Variants in IPP observed in about 807,000 individuals in gnomAD.
IPP encodes actin-binding protein IPP.
IPP carries 41 observed loss-of-function variants against 64.1 expected under a neutral mutation model. That is an observed-to-expected ratio of 0.64 (90% confidence interval 0.50 to 0.83). IPP has a LOEUF of 0.83. Ranked by LOEUF, IPP falls within the 40% of genes least tolerant of loss-of-function variation. The pLI is 0.00. For synonymous variants in IPP, 214 were observed against 235.2 expected, an observed-to-expected ratio of 0.91 and a Z score of 0.83; for missense variants, 649 against 703.0, an observed-to-expected ratio of 0.92 and a Z score of 0.87.
At chr1:45,696,317 T>C (rs1645387911), downstream of IPP, among the ~76,000 whole-genome samples, 1 of 152,198 alleles carries the variant, frequency 6.6e-6, no homozygotes, top group South Asian at 2.1e-4. Flanking sequence ...TAATCATTTC[T>C]CAAAAAACAG....
intron 8 of IPP, among the ~76,000 whole-genome samples, chr1:45,706,511 G>A (rs999044033): frequency 5.9e-5 from 9 of 152,024 alleles, no homozygotes; most frequent in Non-Finnish European, 1.0e-4. Context: ...GTGCAATTGC[G>A]TGATCCCAGC....
chr1:45,727,563 A>C, intron 5 of IPP, 68 bp downstream of exon 5: 1 of 1,015,344 alleles, frequency 9.8e-7, no homozygotes, highest in Non-Finnish European at 1.4e-6. Flanking sequence ...AGCAACATAT[A>C]AATCATAAAG....
intron 3 of IPP, among the ~76,000 whole-genome samples, chr1:45,737,057 A>AAAG (rs1557757679): frequency 6.6e-6 from 1 of 151,132 alleles, no homozygotes; most frequent in Non-Finnish European, 1.5e-5. Context: ...AAAAAAAAAA[A>AAAG]AAAGAAAAAG....
At chr1:45,719,916 G>T (rs1475886088) in intron 5 of IPP, among the ~76,000 whole-genome samples, 1 of 151,652 alleles carries the variant, frequency 6.6e-6, no homozygotes, top group Non-Finnish European at 1.5e-5. Context: ...TAGTAGAGAC[G>T]GGGTTTCACC....
At chr1:45,715,368 G>A (rs750479705) in intron 7 of IPP, among the ~76,000 whole-genome samples, 7 of 151,940 alleles carry the variant, frequency 4.6e-5, no homozygotes, top group African/African-American at 7.2e-5. Flanking sequence ...TAGGCCGGGC[G>A]CGGTGGCTCA....
Position 45,741,218 on chromosome 1 carries a change from G to A in IPP, c.407C>T (p.Pro136Leu). 1 of 1,614,108 alleles carries A rather than the reference G, an allele frequency of 6.2e-7. No homozygotes were observed. The highest frequency in any genetic ancestry group is 8.5e-7 in the Non-Finnish European group (1 of 1,179,970). ...CCEFLKGQID[P>L]LNCIGIFQFS... ...CTGAAAAATTCCAATGCAGTTCAGT[G>A]GATCAATTTGTCCTTTCAGAAATTC... Residue 136 changes from proline (P) to leucine (L), a missense_variant, in exon 3 of 9, where the codon CCA becomes CTA. Coordinates refer to ENST00000396478, the MANE Select transcript of IPP (RefSeq NM_005897.3).
rs201460233 is a variant in IPP, at chr1:45,700,108, G to A, written c.1613C>T (p.Ser538Phe). The A allele has an allele frequency of 5.4e-5, 87 of 1,613,798 alleles. No individual in the cohort carries two copies. Among genetic ancestry groups the A allele is most frequent in the Non-Finnish European group, 1.4e-5 (17 of 1,180,012 alleles). Residue 538 changes from serine (S) to phenylalanine (F), a missense_variant, in exon 9 of 9, where the codon TCT becomes TTT. Physicochemically the swap from Ser to Phe is radical, Grantham distance 155. Coordinates refer to ENST00000396478, the MANE Select transcript of IPP (RefSeq NM_005897.3). ...VVAVNGLLYV[S>F]GGRSSSHDFL... The stretch of plus-strand genomic sequence containing the variant: ...ATCATGGCTGGAAGATCGACCTCCA[G>A]AAACATACAGAAGACCATTGACTGC...
At chr1:45,728,134 G>GTGTA (rs1366571541) in intron 4 of IPP, among the ~76,000 whole-genome samples, 2 of 146,378 alleles carry the variant, frequency 1.4e-5, no homozygotes, top group Non-Finnish European at 3.0e-5. Flanking sequence ...AGCTGTGTGT[G>GTGTA]TGTGTGTGTG....
At chr1:45,703,634 C>A (rs557399883) in intron 8 of IPP, among the ~76,000 whole-genome samples, 1 of 152,034 alleles carries the variant, frequency 6.6e-6, no homozygotes, top group Admixed American at 6.6e-5. Flanking sequence ...ACTAATTTAA[C>A]CTGGTTTAAC....
Position 45,746,267 on chromosome 1 carries a change from TA to T in IPP, c.144del (p.Phe48LeufsTer23). ...GCAGCCAAAACCAGCCGATGAGCTTTAAAACTTTCCTGTCCAACTTGCAGCT... is the reference window on the plus strand; with the variant it reads ...GCAGCCAAAACCAGCCGATGAGCTTTAAACTTTCCTGTCCAACTTGCAGCT... ...DVQLQVGQES[F>X]KAHRLVLAAS... On this transcript the variant is annotated frameshift_variant, in exon 2 of 9. Transcript: ENST00000396478. LOFTEE classifies it high-confidence loss of function. 1 of 1,614,188 alleles carries T rather than the reference TA, an allele frequency of 6.2e-7. No individual in the cohort carries two copies. The highest frequency in any genetic ancestry group is 8.5e-7 in the Non-Finnish European group (1 of 1,180,040).
chr1:45,748,845 G>C (rs545139452), intron 1 of IPP, among the ~76,000 whole-genome samples: 1 of 151,914 alleles, frequency 6.6e-6, no homozygotes, highest in East Asian at 1.9e-4. Context: ...GGTGGTGGGC[G>C]CCTGTAATCC....
chr1:45,744,674 A>T (rs192117752), intron 2 of IPP, among the ~76,000 whole-genome samples: 1 of 152,076 alleles, frequency 6.6e-6, no homozygotes, highest in Non-Finnish European at 1.5e-5. Context: ...CCCCGTCTAT[A>T]CTAAAAATAT....
At chr1:45,733,545 T>C (rs1348520042) in intron 3 of IPP, among the ~76,000 whole-genome samples, 1 of 150,760 alleles carries the variant, frequency 6.6e-6, no homozygotes, top group East Asian at 2.0e-4. Context: ...ATCATTATAA[T>C]TAAAGAATAT....
chr1:45,748,448 G>C (rs1357726298), intron 1 of IPP, among the ~76,000 whole-genome samples: 2 of 152,026 alleles, frequency 1.3e-5, no homozygotes, highest in African/African-American at 4.8e-5. Flanking sequence ...CAGGCAGATC[G>C]CTTGAGTCCA....
chr1:45,736,788 C>T (rs1031758314), intron 3 of IPP, among the ~76,000 whole-genome samples: 1 of 151,694 alleles, frequency 6.6e-6, no homozygotes, highest in African/African-American at 2.4e-5. Flanking sequence ...GACTGTAATC[C>T]CAGCACTTTG....
chr1:45,708,068 T>G (rs1188070385), intron 8 of IPP, among the ~76,000 whole-genome samples: 3 of 151,466 alleles, frequency 2.0e-5, no homozygotes, highest in African/African-American at 7.3e-5. Context: ...ATTTTATTTT[T>G]ACTTTTTTTT....
At chr1:45,730,301 A>C (rs1047988623) in intron 3 of IPP, among the ~76,000 whole-genome samples, 3 of 152,122 alleles carry the variant, frequency 2.0e-5, no homozygotes, top group Non-Finnish European at 4.4e-5. Context: ...GCAGTGAAGC[A>C]GGATTGCACC....
chr1:45,708,718 C>T (rs1213341394), intron 8 of IPP, among the ~76,000 whole-genome samples: 1 of 144,178 alleles, frequency 6.9e-6, no homozygotes, highest in Non-Finnish European at 1.5e-5. Context: ...ACATTCTATA[C>T]CCAGCAAACT....
At chr1:45,745,596 C>T (rs1570057045) in intron 2 of IPP, among the ~76,000 whole-genome samples, 1 of 151,944 alleles carries the variant, frequency 6.6e-6, no homozygotes. Context: ...CAGTGGCTCA[C>T]GCCTGTAATC....
Sources: allele counts gnomAD v4.1 joint callset (sites outside exome capture counted in the v4.1 genomes callset), GRCh38; gene constraint gnomAD v4.1.1; transcripts MANE v1.5; gene names NCBI Gene and HGNC (gene_info 2026-07-23, HGNC 2026-07-21).